Variants in TACC1 observed in about 807,000 individuals in gnomAD.
TACC1 encodes transforming acidic coiled-coil-containing protein 1.
TACC1 carries 48 observed loss-of-function variants against 84.4 expected under a neutral mutation model. The observed-to-expected ratio is 0.57, with a 90% confidence interval of 0.45 to 0.72. The LOEUF (loss-of-function observed/expected upper bound fraction) is 0.72, where lower values mean the gene tolerates loss of function less well. Among genes scored for constraint, TACC1 ranks in the 30% least tolerant of loss-of-function variants. TACC1 has a pLI of 0.00. For synonymous variants in TACC1, 372 were observed against 376.3 expected (o/e 0.99, Z 0.13); for missense variants, 920 against 973.0 (o/e 0.95, Z 0.72).
intron 2 of TACC1, among the ~76,000 whole-genome samples, chr8:38,807,467 G>A (rs559214292): frequency 6.6e-6 from 1 of 152,362 alleles, no homozygotes; most frequent in South Asian, 2.1e-4. Context: ...AGGAGAGGAA[G>A]TGGTGGACGA....
rs1831610343 is a variant in TACC1, at chr8:38,843,363, C to G, written c.2196C>G (p.Ala732=). The change falls in exon 11 of 13, where the codon GCC becomes GCG. Residue 732 remains alanine (A), a synonymous_variant. Transcript: ENST00000317827. ...AACAAGAGGAGCAGCGATACCAGGC[C>G]CTGAAAATCCACGCAGAAGAGAAAC... ...RVKQEEQRYQ[A]LKIHAEEKLD... 1.2e-6 allele frequency: 2 copies of G among 1,608,652 alleles called. No individual in the cohort carries two copies. Among genetic ancestry groups the G allele is most frequent in the African/African-American group, 1.3e-5 (1 of 74,754 alleles).
rs1293216051 is a variant in TACC1, at chr8:38,852,588, G to A, written c.*4565G>A. On this transcript the variant is annotated 3_prime_UTR_variant, in exon 13 of 13. Coordinates refer to ENST00000317827, the MANE Select transcript of TACC1 (RefSeq NM_006283.3). ...CCATCCCCAGTCCAGATACAGGGCA[G>A]CGTGTAGGTGACCACACCAGAGCCT... 1.3e-5 allele frequency: 2 copies of A among 152,662 alleles called. No homozygotes were observed. Among genetic ancestry groups the A allele is most frequent in the Admixed American group, 1.3e-4 (2 of 15,284 alleles). 9.5% of individuals were successfully genotyped at this position (152,662 alleles called of 1,614,324 possible).
intron 3 of TACC1, among the ~76,000 whole-genome samples, chr8:38,764,401 G>A (rs1357643894): frequency 6.8e-6 from 1 of 146,938 alleles, no homozygotes; most frequent in Non-Finnish European, 1.5e-5. Context: ...TCAATGCTGG[G>A]CACTATCATT....
chr8:38,772,037 G>A (rs1813732342), intron 3 of TACC1, among the ~76,000 whole-genome samples: 2 of 152,186 alleles, frequency 1.3e-5, no homozygotes, highest in South Asian at 4.1e-4. Flanking sequence ...GAGAGAGAGA[G>A]AGAGAGAGAG....
At chr8:38,738,239 C>T (rs1391736349) in intron 1 of TACC1, among the ~76,000 whole-genome samples, 1 of 151,796 alleles carries the variant, frequency 6.6e-6, no homozygotes, top group Admixed American at 6.6e-5. Flanking sequence ...CCCCATCTCT[C>T]CAAAACATTA....
chr8:38,820,996 CA>C (rs1826663983), intron 3 of TACC1, among the ~76,000 whole-genome samples: 1 of 151,912 alleles, frequency 6.6e-6, no homozygotes, highest in South Asian at 2.1e-4. Context: ...ACTTGAGGTC[CA>C]GAGTTTGAGA....
At chr8:38,764,329 C>T (rs192780599) in intron 3 of TACC1, among the ~76,000 whole-genome samples, 1 of 151,648 alleles carries the variant, frequency 6.6e-6, no homozygotes, top group African/African-American at 2.4e-5. Context: ...TCACCCTCCT[C>T]AGCCTCCCAA....
At chr8:38,843,504 G>A (rs1831647942) in intron 11 of TACC1, 109 bp downstream of exon 11, 1 of 703,460 alleles carries the variant, frequency 1.4e-6, no homozygotes, top group Admixed American at 3.4e-5. Context: ...TTATGTGTGT[G>A]TTTATTTCAC....
In TACC1 at chr8:38,819,685, C is replaced by T; in HGVS notation, c.441C>T (p.Ser147=). The T allele has an allele frequency of 6.2e-7, 1 of 1,614,108 alleles. No homozygotes were observed. The highest frequency in any genetic ancestry group is 8.5e-7 in the Non-Finnish European group (1 of 1,180,026). ...CTGAACATGATTTTAGCAAAATTTCCATCGTGAGGCCATTTTCAATAGAAA... is the reference window on the plus strand; with the variant it reads ...CTGAACATGATTTTAGCAAAATTTCTATCGTGAGGCCATTTTCAATAGAAA... ...EEPEHDFSKI[S]IVRPFSIETK... The change falls in exon 3 of 13, where the codon TCC becomes TCT. Residue 147 remains serine (S), a synonymous_variant. Transcript: ENST00000317827.
At chr8:38,772,176 C>T (rs1034538537) in intron 3 of TACC1, among the ~76,000 whole-genome samples, 2 of 152,162 alleles carry the variant, frequency 1.3e-5, no homozygotes, top group African/African-American at 4.8e-5. Context: ...TCATTTCACC[C>T]ATTTGACAGT....
In TACC1 at chr8:38,731,941, A is replaced by G. The variant is rs1334389166; in HGVS notation, c.-675+3270A>G. On this transcript the variant is annotated intron_variant, in intron 1 of 14. Transcript: ENST00000518415. ...AGCCTGGCCAACATGGTGAAACTCC[A>G]TCTCTACTAAAAATGCAGAAATTAG... Among the ~76,000 whole-genome samples the G allele has an allele frequency of 3.9e-5, 6 of 152,100 alleles. No individual in the cohort carries two copies. The East Asian group carries it at 9.7e-4, about 24-fold the overall frequency.
intron 3 of TACC1, among the ~76,000 whole-genome samples, chr8:38,753,131 G>A (rs1053637118): frequency 2.6e-5 from 4 of 152,102 alleles, no homozygotes; most frequent in African/African-American, 9.7e-5. Context: ...ACAGACTATC[G>A]CTGTGTCGCC....
chr8:38,816,487 C>T (rs892911722), intron 2 of TACC1, among the ~76,000 whole-genome samples: 5 of 152,168 alleles, frequency 3.3e-5, no homozygotes, highest in African/African-American at 7.2e-5. Flanking sequence ...ACGAGACTGC[C>T]GCCACTTCAG....
rs182626109 is a variant in TACC1, at chr8:38,845,125, A to G, written c.2229-1574A>G. On this transcript the variant is annotated intron_variant, in intron 11 of 12. Transcript: ENST00000317827. ...TTTTTAGTAGAGACGGGGTTTCGCC[A>G]TGTTGGGCAGGCTGGTCTCGAACTT... is the stretch of plus-strand genomic sequence containing the variant. Among the ~76,000 whole-genome samples the G allele has an allele frequency of 3.0e-3, 456 of 152,248 alleles. 1 individual carries two copies. Among genetic ancestry groups the G allele is most frequent in the African/African-American group, 0.011 (441 of 41,558 alleles).
intron 2 of TACC1, among the ~76,000 whole-genome samples, chr8:38,818,909 CTG>C (rs1280056609): frequency 2.0e-5 from 3 of 152,078 alleles, no homozygotes; most frequent in Non-Finnish European, 2.9e-5. Context: ...TCCTGAGTGA[CTG>C]GGACTACAGG....
At chr8:38,740,575 GATGGGCAAAAAA>G (rs1325537659) in intron 1 of TACC1, among the ~76,000 whole-genome samples, 3 of 152,142 alleles carry the variant, frequency 2.0e-5, no homozygotes, top group Non-Finnish European at 4.4e-5. Flanking sequence ...AGTTTGTGAT[GATGGGCAAAAAA>G]ATGGAAACAT....
upstream of TACC1, chr8:38,785,823 T>G: frequency 3.5e-6 from 2 of 573,054 alleles, no homozygotes; most frequent in Non-Finnish European, 4.4e-6. Flanking sequence ...TTCTTTATAG[T>G]CGCTAGAACA....
At chr8:38,735,527 C>T (rs928856275) in intron 1 of TACC1, among the ~76,000 whole-genome samples, 6 of 152,104 alleles carry the variant, frequency 3.9e-5, no homozygotes, top group Non-Finnish European at 7.4e-5. Context: ...GGATTTAGTC[C>T]ACTTCTTCCT....
chr8:38,737,564 G>A (rs1203673616), intron 1 of TACC1, among the ~76,000 whole-genome samples: 1 of 152,022 alleles, frequency 6.6e-6, no homozygotes, highest in Non-Finnish European at 1.5e-5. Flanking sequence ...GCACTGGCCA[G>A]TGTGATGGTC....
Sources: gnomAD v4.1 joint callset for allele counts (sites outside exome capture counted in the v4.1 genomes callset) on GRCh38, gnomAD v4.1.1 for gene constraint, MANE v1.5 for transcripts, NCBI Gene and HGNC (gene_info 2026-07-23, HGNC 2026-07-21) for gene names.